SUPT3H: variants seen among roughly 807,000 people sequenced by gnomAD.
The protein encoded by SUPT3H is SPT3 homolog, SAGA and STAGA complex component.
Under a neutral mutation model 44.3 loss-of-function variants are expected in SUPT3H, and 44 were observed. That is an observed-to-expected ratio of 0.99 (90% confidence interval 0.78 to 1.28). The LOEUF (loss-of-function observed/expected upper bound fraction) is 1.28. Ranked by LOEUF, SUPT3H falls within the 50% of genes most tolerant of loss-of-function variation. The pLI is 0.00. For synonymous variants in SUPT3H, 124 were observed against 125.6 expected, an observed-to-expected ratio of 0.99 and a Z score of 0.09; for missense variants, 380 against 387.1, an observed-to-expected ratio of 0.98 and a Z score of 0.15.
chr6:45,040,047 C>T (rs1341340079), intron 3 of SUPT3H, among the ~76,000 whole-genome samples: 1 of 152,138 alleles, frequency 6.6e-6, no homozygotes, highest in African/African-American at 2.4e-5. Flanking sequence ...AGTCACTGCC[C>T]TTATACCATC....
At chr6:44,933,177 GTCA>G (rs1325730208) in intron 9 of SUPT3H, among the ~76,000 whole-genome samples, 7 of 151,954 alleles carry the variant, frequency 4.6e-5, no homozygotes, top group African/African-American at 1.7e-4. Flanking sequence ...TAACTTGAGG[GTCA>G]TCAACTTAAA....
chr6:45,251,330 T>C (rs1772337061), intron 2 of SUPT3H, among the ~76,000 whole-genome samples: 1 of 152,020 alleles, frequency 6.6e-6, no homozygotes, highest in African/African-American at 2.4e-5. Context: ...ACATCTAAAT[T>C]ATGTTTCTCT....
chr6:45,145,901 G>A (rs898262663), intron 2 of SUPT3H, among the ~76,000 whole-genome samples: 10 of 151,830 alleles, frequency 6.6e-5, no homozygotes, highest in Non-Finnish European at 1.5e-4. Flanking sequence ...AATGGCCAAC[G>A]AACATATGAA....
chr6:44,887,264 T>G lies in SUPT3H; in HGVS notation c.912+45389A>C, dbSNP rs372533929. 5.7e-4 allele frequency among the ~76,000 whole-genome samples: 86 copies of G among 152,212 alleles called. 1 individual carries two copies. The highest frequency in any genetic ancestry group is 1.7e-3 in the African/African-American group (72 of 41,542). ...AATTGAACTCAGCTCTGCACCAAGC[T>G]GACCTAATAGACATCTACAGAACTC... is the stretch of plus-strand genomic sequence containing the variant. On this transcript the variant is annotated intron_variant, in intron 10 of 10. Coordinates refer to ENST00000371459, the MANE Select transcript of SUPT3H (RefSeq NM_003599.4).
intron 2 of SUPT3H, among the ~76,000 whole-genome samples, chr6:45,195,708 T>C (rs1417692462): frequency 6.6e-6 from 1 of 152,192 alleles, no homozygotes; most frequent in Non-Finnish European, 1.5e-5. Flanking sequence ...TCTAGATTTT[T>C]ATATTTGTTC....
chr6:45,138,989 G>A (rs1334026377), intron 2 of SUPT3H, among the ~76,000 whole-genome samples: 1 of 152,104 alleles, frequency 6.6e-6, no homozygotes, highest in African/African-American at 2.4e-5. Context: ...TGACATGTTT[G>A]GTGGCACTGC....
At chr6:45,281,055 T>C (rs533913139) in intron 2 of SUPT3H, among the ~76,000 whole-genome samples, 3 of 152,250 alleles carry the variant, frequency 2.0e-5, no homozygotes, top group Non-Finnish European at 4.4e-5. Context: ...CATTTCAAAT[T>C]AAGCAACTTA....
intron 6 of SUPT3H, among the ~76,000 whole-genome samples, chr6:44,971,749 C>A (rs946379778): frequency 2.0e-5 from 3 of 152,162 alleles, no homozygotes; most frequent in African/African-American, 7.2e-5. Flanking sequence ...TCATGCCTTC[C>A]CAACATCCCC....
intron 3 of SUPT3H, chr6:45,099,075 C>T: frequency 2.7e-6 from 1 of 375,054 alleles, no homozygotes; most frequent in Non-Finnish European, 5.3e-6. Context: ...ACATGGTCCT[C>T]CAGCTGTGGT....
intron 11 of SUPT3H, among the ~76,000 whole-genome samples, chr6:44,820,224 GA>G (rs1303795674): frequency 7.3e-5 from 11 of 151,594 alleles, no homozygotes; most frequent in African/African-American, 2.7e-4. Flanking sequence ...ATCTCAAAAA[GA>G]AAAAAAGATA....
intron 3 of SUPT3H, among the ~76,000 whole-genome samples, chr6:45,046,328 T>TG (rs1554219853): frequency 1.3e-5 from 2 of 152,106 alleles, no homozygotes; most frequent in African/African-American, 2.4e-5. Flanking sequence ...GCTTGTTTTT[T>TG]TTTGTTTGTT....
intron 3 of SUPT3H, among the ~76,000 whole-genome samples, chr6:45,038,882 G>A (rs908902378): frequency 6.6e-6 from 1 of 151,944 alleles, no homozygotes; most frequent in African/African-American, 2.4e-5. Flanking sequence ...ATATTGCATG[G>A]CACTGATTTT....
intron 10 of SUPT3H, among the ~76,000 whole-genome samples, chr6:44,883,999 AAAATTGAC>A (rs1778700986): frequency 6.6e-6 from 1 of 152,238 alleles, no homozygotes; most frequent in Admixed American, 6.5e-5. Flanking sequence ...AGCAAAAGCC[AAAATTGAC>A]AAATGGGATC....
At chr6:45,296,155 A>G (rs1781164144) in intron 2 of SUPT3H, among the ~76,000 whole-genome samples, 1 of 149,624 alleles carries the variant, frequency 6.7e-6, no homozygotes, top group East Asian at 2.0e-4. Context: ...ATACATACAC[A>G]CATATACATA....
intron 2 of SUPT3H, among the ~76,000 whole-genome samples, chr6:45,160,410 G>A (rs181126500): frequency 6.6e-6 from 1 of 152,222 alleles, no homozygotes; most frequent in East Asian, 1.9e-4. Context: ...TCTAAAATTA[G>A]ATGACCAAAG....
intron 2 of SUPT3H, among the ~76,000 whole-genome samples, chr6:45,284,660 G>C (rs528563090): frequency 6.6e-6 from 1 of 152,146 alleles, no homozygotes; most frequent in African/African-American, 2.4e-5. Flanking sequence ...AATTCTACCA[G>C]AGTTACAAGG....
At chr6:45,330,045 C>T (rs937620135) in intron 2 of SUPT3H, among the ~76,000 whole-genome samples, 1 of 151,512 alleles carries the variant, frequency 6.6e-6, no homozygotes, top group African/African-American at 2.4e-5. Flanking sequence ...TTAGGTCAAA[C>T]AGAAATAATT....
At chr6:45,198,669 T>A (rs1816488104) in intron 2 of SUPT3H, among the ~76,000 whole-genome samples, 1 of 151,230 alleles carries the variant, frequency 6.6e-6, no homozygotes, top group Non-Finnish European at 1.5e-5. Flanking sequence ...TTAAGAAAAT[T>A]AGTTTGATCC....
At chr6:45,204,242 GTCTCAA>G (rs560639172) in intron 2 of SUPT3H, among the ~76,000 whole-genome samples, 2 of 30,712 alleles carry the variant, frequency 6.5e-5, no homozygotes, top group African/African-American at 2.0e-4. Context: ...GCAAGATTCC[GTCTCAA>G]AAAAGAAGAA....
Sources: allele counts gnomAD v4.1 joint callset (sites outside exome capture counted in the v4.1 genomes callset), GRCh38; gene constraint gnomAD v4.1.1; transcripts MANE v1.5; gene names NCBI Gene and HGNC (gene_info 2026-07-23, HGNC 2026-07-21).